BIN1: variants seen among roughly 807,000 people sequenced by gnomAD.
BIN1 encodes bridging integrator 1, also known as myc box-dependent-interacting protein 1.
A neutral mutation model predicts 82.0 loss-of-function variants in BIN1; 53 were observed. That is an observed-to-expected ratio of 0.65 (90% CI 0.52 to 0.81). The LOEUF is 0.81. BIN1 is among the 40% of genes least tolerant of loss of function. The pLI, the probability that BIN1 is intolerant of heterozygous loss-of-function variation, is 0.00. For missense variants in BIN1, 642 were observed against 784.4 expected (o/e 0.82, Z 2.17); for synonymous variants, 302 against 328.0 (o/e 0.92, Z 0.86).
chr2:127,093,228 C>A lies in BIN1; in HGVS notation c.84+13632G>T, dbSNP rs1040197739. Among the ~76,000 whole-genome samples, 4 of 152,226 alleles carry A rather than the reference C, an allele frequency of 2.6e-5. No individual in the cohort carries two copies. Among genetic ancestry groups the A allele is most frequent in the African/African-American group, 4.8e-5 (2 of 41,468 alleles). On this transcript the variant is annotated intron_variant, in intron 1 of 18. Transcript: ENST00000316724. The surrounding 1 kb of genome is among the most constrained non-coding windows in gnomAD (Gnocchi z 5.7). The stretch of plus-strand genomic sequence containing the variant: ...CAAAGTGTGGTGCTGTGGCTCACTG[C>A]AGACTCTGAACAAAGGGCATGTGAA...
rs201708154 is a variant in BIN1 at position 127,068,129 on chromosome 2, C to A, written c.612+34G>T. The stretch of plus-strand genomic sequence containing the variant: ...GAGGACAGGACGACAGACCGGAAGG[C>A]GCCAGCACGTGCAAGGTTAGAAGCC... On this transcript the variant is annotated intron_variant, in intron 7 of 18. Coordinates refer to ENST00000316724, the MANE Select transcript of BIN1 (RefSeq NM_139343.3). This position sits in a 1 kb window ranked among gnomAD's most constrained non-coding sequence, Gnocchi z 4.9. The A allele has an allele frequency of 1.3e-6, 2 of 1,595,982 alleles. No homozygotes were observed. The highest frequency in any genetic ancestry group is 2.7e-5 in the African/African-American group (2 of 74,594).
chr2:127,091,233 C>G (rs975749665), intron 1 of BIN1, among the ~76,000 whole-genome samples: 2 of 152,112 alleles, frequency 1.3e-5, no homozygotes, highest in Non-Finnish European at 2.9e-5. Flanking sequence ...AGGCACCCCA[C>G]GCAGCACAGT....
chr2:127,084,711 T>G (rs913133220), intron 1 of BIN1, among the ~76,000 whole-genome samples: 1 of 152,210 alleles, frequency 6.6e-6, no homozygotes, highest in Non-Finnish European at 1.5e-5. Flanking sequence ...TCTGTGGCTT[T>G]GTGGTGGTGG....
chr2:127,058,905 G>A (rs923885406), intron 11 of BIN1, 106 bp downstream of exon 11: 27 of 1,489,580 alleles, frequency 1.8e-5, no homozygotes, highest in Admixed American at 8.1e-5. Context: ...GTCCATAGCT[G>A]CCCAGGCCAG....
chr2:127,054,196 A>C (rs1392645233), intron 12 of BIN1, 184 bp from the exon 13 acceptor site: 69 of 641,868 alleles, frequency 1.1e-4, no homozygotes, highest in Non-Finnish European at 1.4e-5. Context: ...CAACTCATCC[A>C]CCTCACACAC....
chr2:127,096,437 G>T (rs920303970), intron 1 of BIN1, among the ~76,000 whole-genome samples: 1 of 152,202 alleles, frequency 6.6e-6, no homozygotes, highest in African/African-American at 2.4e-5. Context: ...GGGCAGAGCT[G>T]CGTGCTTCCC....
At chr2:127,066,448 T>C (rs933849474) in intron 7 of BIN1, among the ~76,000 whole-genome samples, 16 of 152,196 alleles carry the variant, frequency 1.1e-4, no homozygotes, top group African/African-American at 3.4e-4. Flanking sequence ...GCAGGCCCCA[T>C]AGCCTCCTAA....
intron 2 of BIN1, among the ~76,000 whole-genome samples, chr2:127,073,687 A>C (rs1686226277): frequency 6.6e-6 from 1 of 152,206 alleles, no homozygotes; most frequent in South Asian, 2.1e-4. Context: ...AGGGATGCCC[A>C]TTTTGAGCAA....
In BIN1 at chr2:127,048,487, G is replaced by A. The variant is rs542724900; in HGVS notation, c.*39C>T. 5.1e-6 allele frequency: 8 copies of A among 1,561,726 alleles called. No individual in the cohort carries two copies. The East Asian group carries it at 6.7e-5, about 13-fold the overall frequency. Reference sequence around the variant, plus strand: ...AGAACCACACATTTTTCGGGAGGAGGTGTTCTTCACACGCCCGGAGGCTGC... The same window carrying A: ...AGAACCACACATTTTTCGGGAGGAGATGTTCTTCACACGCCCGGAGGCTGC... On this transcript the variant is annotated 3_prime_UTR_variant, in exon 19 of 19. Transcript: ENST00000316724.
At chr2:127,080,965 C>A (rs1214988251) in intron 1 of BIN1, among the ~76,000 whole-genome samples, 1 of 152,258 alleles carries the variant, frequency 6.6e-6, no homozygotes, top group Non-Finnish European at 1.5e-5. Flanking sequence ...TCCACAGGGG[C>A]TCAGTGGGAG....
chr2:127,098,913 C>G (rs1187842594), intron 1 of BIN1, among the ~76,000 whole-genome samples: 1 of 152,216 alleles, frequency 6.6e-6, no homozygotes, highest in East Asian at 1.9e-4. Flanking sequence ...TTGTGGGCAC[C>G]AAGCATTACA....
rs752978336 is a variant in BIN1 at position 127,068,213 on chromosome 2, C to T, written c.562G>A (p.Gly188Ser). 6.2e-7 allele frequency: 1 copy of T among 1,613,814 alleles called. No homozygotes were observed. The highest frequency in any genetic ancestry group is 8.5e-7 in the Non-Finnish European group (1 of 1,179,984). ...GCTACGAGATGAGCCTGCAGTTTGC[C>T]TTGGCACCACTGGGGGGCGGCTTTC... Reference protein sequence around the residue: ...LEKAAPQWCQGKLQAHLVAQT... With the variant: ...LEKAAPQWCQSKLQAHLVAQT... Residue 188 changes from glycine (G) to serine (S), a missense_variant, in exon 7 of 19, where the codon GGC becomes AGC. Coordinates refer to ENST00000316724, the MANE Select transcript of BIN1 (RefSeq NM_139343.3). This position sits in a 1 kb window ranked among gnomAD's most constrained non-coding sequence, Gnocchi z 4.9.
At chr2:127,088,312 T>C (rs1256728030) in intron 1 of BIN1, among the ~76,000 whole-genome samples, 1 of 152,184 alleles carries the variant, frequency 6.6e-6, no homozygotes, top group African/African-American at 2.4e-5. Context: ...ATTTGAAGAC[T>C]CAGCAACGTG....
intron 10 of BIN1, chr2:127,060,779 T>C: frequency 2.6e-6 from 3 of 1,148,678 alleles, no homozygotes; most frequent in Non-Finnish European, 3.8e-6. Flanking sequence ...GCCAGAGGCC[T>C]TGCACAGGGC....
In BIN1 at chr2:127,097,946, TGAG is replaced by T. The variant is rs368823644; in HGVS notation, c.84+8911_84+8913del. On this transcript the variant is annotated intron_variant, in intron 1 of 18. Transcript: ENST00000316724. ...TGCCCTCTGAACTTGGCTCAGGTTCTGAGGAGGCTTCCCTGACTGCTGGGGCCT... is the reference window on the plus strand; with the variant it reads ...TGCCCTCTGAACTTGGCTCAGGTTCTGAGGCTTCCCTGACTGCTGGGGCCT... Among the ~76,000 whole-genome samples the T allele has an allele frequency of 1.2e-3, 183 of 152,336 alleles. 1 individual carries two copies. Among genetic ancestry groups the T allele is most frequent in the African/African-American group, 4.2e-3 (175 of 41,576 alleles).
At chr2:127,069,668 CAT>C (rs982934741) in intron 5 of BIN1, among the ~76,000 whole-genome samples, 15 of 152,184 alleles carry the variant, frequency 9.9e-5, no homozygotes, top group East Asian at 9.7e-4. Flanking sequence ...CAGGCACACA[CAT>C]GTGTAGGCCC....
intron 14 of BIN1, chr2:127,052,736 G>A (rs528392471): frequency 9.8e-6 from 3 of 306,836 alleles, no homozygotes; most frequent in South Asian, 7.7e-5. Context: ...CTGCACACCC[G>A]CCTGCCCCTC....
chr2:127,051,048 A>C, intron 16 of BIN1, 106 bp downstream of exon 16: 1 of 1,536,214 alleles, frequency 6.5e-7, no homozygotes, highest in African/African-American at 1.4e-5. Flanking sequence ...AGCTTCCTCA[A>C]CAGGAGCCAG....
intron 1 of BIN1, among the ~76,000 whole-genome samples, chr2:127,089,931 C>G (rs111235477): frequency 2.0e-5 from 3 of 151,574 alleles, no homozygotes; most frequent in African/African-American, 4.9e-5. Context: ...CTGCTCCCCC[C>G]ACCCAGGGCT....
Sources: gnomAD v4.1 joint callset for allele counts (sites outside exome capture counted in the v4.1 genomes callset) on GRCh38, gnomAD v4.1.1 for gene constraint, Gnocchi (gnomAD v3.1) non-coding constraint, MANE v1.5 for transcripts, NCBI Gene and HGNC (gene_info 2026-07-23, HGNC 2026-07-21) for gene names.